The following MB variants were observed in gnomAD, a reference collection of about 807,000 sequenced individuals.
MB encodes the protein nitrite reductase MB.
In MB, 10 loss-of-function variants were observed where a neutral mutation model predicts 14.5. That is an observed-to-expected ratio of 0.69 (90% CI 0.43 to 1.17). The LOEUF (loss-of-function observed/expected upper bound fraction) is 1.17, where lower values mean the gene tolerates loss of function less well. MB is among the 50% of genes most tolerant of loss of function. The pLI, the probability that MB is intolerant of heterozygous loss-of-function variation, is 0.00. For missense variants in MB, 169 were observed against 192.7 expected (o/e 0.88, Z 0.73); for synonymous variants, 89 against 78.6 (o/e 1.13, Z -0.70).
chr22:35,613,514 G>A (rs1334175653), intron 1 of MB, among the ~76,000 whole-genome samples: 1 of 152,098 alleles, frequency 6.6e-6, no homozygotes, highest in African/African-American at 2.4e-5. Flanking sequence ...ATATTTTTTT[G>A]AGACACGGTA....
At chr22:35,619,159 T>G (rs1233455316), upstream of MB, among the ~76,000 whole-genome samples, 3 of 152,190 alleles carry the variant, frequency 2.0e-5, no homozygotes, top group East Asian at 5.8e-4. Flanking sequence ...TAAAACACCT[T>G]CCTGTGTTCA....
chr22:35,621,670 A>G (rs978719522), upstream of MB, among the ~76,000 whole-genome samples: 288 of 152,310 alleles, frequency 1.9e-3, 7 homozygotes, highest in Non-Finnish European at 1.3e-4. Context: ...ATGTCGAACC[A>G]AAAGATGCCT....
At chr22:35,613,542 C>G (rs1314756902) in intron 1 of MB, among the ~76,000 whole-genome samples, 1 of 152,208 alleles carries the variant, frequency 6.6e-6, no homozygotes, top group East Asian at 1.9e-4. Context: ...GTTGCCCAGG[C>G]TGGAGTGCAG....
At chr22:35,623,019 T>C (rs949230650) in intron 1 of MB, among the ~76,000 whole-genome samples, 1 of 152,188 alleles carries the variant, frequency 6.6e-6, no homozygotes, top group African/African-American at 2.4e-5. Context: ...TCCCCATTTC[T>C]ACCCTGTGAG....
intron 1 of MB, among the ~76,000 whole-genome samples, chr22:35,613,252 C>T (rs1394759035): frequency 1.3e-5 from 2 of 152,234 alleles, no homozygotes; most frequent in Non-Finnish European, 2.9e-5. Flanking sequence ...CACAAGGCAG[C>T]TGGGGGTCTC....
intron 1 of MB, among the ~76,000 whole-genome samples, chr22:35,614,758 T>C (rs59144472): frequency 8.3e-6 from 1 of 120,490 alleles, no homozygotes; most frequent in Non-Finnish European, 1.7e-5. Context: ...ATTATCATTA[T>C]CATCACCATC....
At chr22:35,610,859 C>T in intron 2 of MB, 25 bp downstream of exon 2, 2 of 1,494,554 alleles carry the variant, frequency 1.3e-6, no homozygotes, top group East Asian at 4.9e-5. Context: ...CCGCATCCTC[C>T]CACCTGCCCA....
chr22:35,621,665 G>A (rs954094867), upstream of MB, among the ~76,000 whole-genome samples: 5 of 152,090 alleles, frequency 3.3e-5, no homozygotes, highest in South Asian at 2.1e-4. Flanking sequence ...TTTTTATGTC[G>A]AACCAAAAGA....
At position 35,617,214 on chromosome 22, in the gene MB, C is replaced by A. The variant is rs374212851; in HGVS notation, c.44G>T (p.Trp15Leu). ...TGGGATGTCAGCCTCCACCTTCCCC[C>A]AGACGTTCAGCACCAACTGCCATTC... ...DGEWQLVLNV[W>L]GKVEADIPGH... The change falls in exon 1 of 3, where the codon TGG (tryptophan) becomes TTG (leucine). Residue 15 changes from tryptophan to leucine, a missense_variant. Coordinates refer to ENST00000397326, the MANE Select transcript of MB (RefSeq NM_005368.3). 3.7e-6 allele frequency: 6 copies of A among 1,614,194 alleles called. No homozygotes were observed. Among genetic ancestry groups the A allele is most frequent in the Non-Finnish European group, 5.1e-6 (6 of 1,180,030 alleles).
At chr22:35,613,127 A>C (rs573475857) in intron 1 of MB, among the ~76,000 whole-genome samples, 75 of 152,340 alleles carry the variant, frequency 4.9e-4, no homozygotes, top group African/African-American at 1.6e-3. Context: ...TCTGGCGACA[A>C]TGATCCTTGA....
rs1024916815 is a variant in MB, at chr22:35,608,359, C to T, written c.319-916G>A. ...GAAGCAGAGAGCAGAGATGGATTTG[C>T]GCCCAGGAGGCTGTGGGCAGGCCAC... On this transcript the variant is annotated intron_variant, in intron 2 of 2. Coordinates refer to ENST00000397326, the MANE Select transcript of MB (RefSeq NM_005368.3). The surrounding 1 kb of genome is among the most constrained non-coding windows in gnomAD (Gnocchi z 4.3). Among the ~76,000 whole-genome samples the T allele has an allele frequency of 3.9e-5, 6 of 152,204 alleles. No individual in the cohort carries two copies. The highest frequency in any genetic ancestry group is 7.3e-5 in the Non-Finnish European group (5 of 68,030).
chr22:35,619,692 A>T (rs1327012169), upstream of MB, among the ~76,000 whole-genome samples: 1 of 152,218 alleles, frequency 6.6e-6, no homozygotes, highest in East Asian at 1.9e-4. Context: ...AATAATAGGA[A>T]ATGTAGCTAG....
intron 2 of MB, among the ~76,000 whole-genome samples, chr22:35,607,959 G>A (rs1243385592): frequency 2.6e-5 from 4 of 152,184 alleles, no homozygotes; most frequent in Admixed American, 2.6e-4. Context: ...TTGTTTTAAA[G>A]ACCCTATTTT....
upstream of MB, among the ~76,000 whole-genome samples, chr22:35,618,726 G>A (rs866336303): frequency 1.5e-4 from 23 of 148,634 alleles, no homozygotes; most frequent in Admixed American, 5.3e-4. Context: ...AAATCCACCA[G>A]TTCCTCCATC....
chr22:35,608,217 T>C lies in MB; in HGVS notation c.319-774A>G, dbSNP rs1922303558. On this transcript the variant is annotated intron_variant, in intron 2 of 2. Transcript: ENST00000397326. The surrounding 1 kb of genome is among the most constrained non-coding windows in gnomAD (Gnocchi z 4.3). ...GATGGAAAGACTCATGGATGTGAAA[T>C]GCGGCTGTGCTTTCTCAAGTTAACC... Among the ~76,000 whole-genome samples, 1 of 152,192 alleles carries C rather than the reference T, an allele frequency of 6.6e-6. No homozygotes were observed. The highest frequency in any genetic ancestry group is 2.4e-5 in the African/African-American group (1 of 41,452).
chr22:35,616,492 C>T lies in MB; in HGVS notation c.95+671G>A, dbSNP rs181843530. On this transcript the variant is annotated intron_variant, in intron 1 of 2. Coordinates refer to ENST00000397326, the MANE Select transcript of MB (RefSeq NM_005368.3). Reference sequence around the variant, plus strand: ...CTAATTGCAATGCTTTGAAAGGTCCCTAGCCTGGGCTTCATCAGTAATAGC... The same window carrying T: ...CTAATTGCAATGCTTTGAAAGGTCCTTAGCCTGGGCTTCATCAGTAATAGC... Among the ~76,000 whole-genome samples, 328 of 152,336 alleles carry T rather than the reference C, an allele frequency of 2.2e-3. 1 individual carries two copies. The highest frequency in any genetic ancestry group is 2.1e-3 in the Non-Finnish European group (140 of 68,024).
At chr22:35,612,259 T>C (rs568493627) in intron 1 of MB, among the ~76,000 whole-genome samples, 1 of 152,216 alleles carries the variant, frequency 6.6e-6, no homozygotes, top group East Asian at 1.9e-4. Flanking sequence ...ACACTCCAGT[T>C]TGCGCCCTGA....
chr22:35,623,157 G>A (rs1923573298), intron 1 of MB: 1 of 152,424 alleles, frequency 6.6e-6, no homozygotes, highest in Admixed American at 6.5e-5. Context: ...TTACACTTGA[G>A]AGAACTGAGG....
chr22:35,607,294 G>A lies in MB; in HGVS notation c.*3C>T. On this transcript the variant is annotated 3_prime_UTR_variant, in exon 3 of 3. Transcript: ENST00000397326. Reference sequence around the variant, plus strand: ...GATGGGTGGGGGTGGGAGCGGCAGGGGCCTAGCCCTGGAAGCCCAGCTCCT... The same window carrying A: ...GATGGGTGGGGGTGGGAGCGGCAGGAGCCTAGCCCTGGAAGCCCAGCTCCT... 1.9e-6 allele frequency: 3 copies of A among 1,611,526 alleles called. No homozygotes were observed. Among genetic ancestry groups the A allele is most frequent in the Non-Finnish European group, 2.5e-6 (3 of 1,178,148 alleles).
Sources: allele counts gnomAD v4.1 joint callset (sites outside exome capture counted in the v4.1 genomes callset), GRCh38; gene constraint gnomAD v4.1.1; non-coding constraint Gnocchi (gnomAD v3.1); transcripts MANE v1.5; gene names NCBI Gene and HGNC (gene_info 2026-07-23, HGNC 2026-07-21).